The following RBFOX1 variants were observed in gnomAD, a reference collection of about 807,000 sequenced individuals.
RBFOX1 encodes RNA binding fox-1 homolog 1.
In RBFOX1, 8 loss-of-function variants were observed where a neutral mutation model predicts 57.7. The observed-to-expected ratio is 0.14, with a 90% CI of 0.08 to 0.25. The LOEUF (loss-of-function observed/expected upper bound fraction) is 0.25. RBFOX1 is among the 10% of genes least tolerant of loss of function. RBFOX1 has a pLI of 1.00. For missense variants in RBFOX1, 611 were observed against 548.5 expected, an observed-to-expected ratio of 1.11 and a Z score of -1.14; for synonymous variants, 326 against 222.4, an observed-to-expected ratio of 1.47 and a Z score of -4.15.
chr16:5,684,978 G>A (rs2050460049), intron 3 of RBFOX1, among the ~76,000 whole-genome samples: 1 of 152,208 alleles, frequency 6.6e-6, no homozygotes, highest in East Asian at 1.9e-4. Context: ...CACTAATGAA[G>A]TTGGGGCATC....
At chr16:6,533,161 A>G (rs2096683526) in intron 2 of RBFOX1, among the ~76,000 whole-genome samples, 1 of 152,240 alleles carries the variant, frequency 6.6e-6, no homozygotes, top group Non-Finnish European at 1.5e-5. Context: ...AGGAAAGACA[A>G]ACCATGGAAC....
At chr16:7,358,859 A>G (rs564542432) in intron 4 of RBFOX1, among the ~76,000 whole-genome samples, 1 of 152,360 alleles carries the variant, frequency 6.6e-6, no homozygotes, top group South Asian at 2.1e-4. Context: ...ATACGAGAGA[A>G]GTAACTTTCT....
chr16:6,218,423 C>T (rs1243446817), intron 1 of RBFOX1, among the ~76,000 whole-genome samples: 2 of 152,106 alleles, frequency 1.3e-5, no homozygotes, highest in Admixed American at 1.3e-4. Context: ...ATTCTTGTGC[C>T]TTAGCCTGCC....
chr16:6,500,884 T>TGG (rs2095892619), intron 2 of RBFOX1, among the ~76,000 whole-genome samples: 1 of 22,838 alleles, frequency 4.4e-5, no homozygotes, highest in Non-Finnish European at 1.9e-4. Context: ...TAGTTTTTTT[T>TGG]TTTTTTTTTT....
At chr16:7,687,218 C>T (rs569979612) in intron 14 of RBFOX1, among the ~76,000 whole-genome samples, 2 of 151,872 alleles carry the variant, frequency 1.3e-5, no homozygotes, top group African/African-American at 2.4e-5. Flanking sequence ...ATAAAAGTGA[C>T]AGGGCAGGTA....
Position 5,947,496 on chromosome 16 carries a change from A to G in RBFOX1, c.351+80161A>G, listed in dbSNP as rs1368532253. 1.3e-5 allele frequency among the ~76,000 whole-genome samples: 2 copies of G among 152,140 alleles called. No homozygotes were observed. The highest frequency in any genetic ancestry group is 2.1e-4 in the South Asian group (1 of 4,806). ...CATTTTCCTGCCTCTGCCAGTTTTT[A>G]AAATTTTTAGAGACAGGGGTCTCTG... On this transcript the variant is annotated intron_variant, in intron 4 of 19. Transcript: ENST00000641259. The surrounding 1 kb of genome is among the most constrained non-coding windows in gnomAD (Gnocchi z 7.2).
At chr16:7,637,218 G>C (rs548412302) in intron 11 of RBFOX1, among the ~76,000 whole-genome samples, 1 of 149,724 alleles carries the variant, frequency 6.7e-6, no homozygotes, top group Non-Finnish European at 1.5e-5. Flanking sequence ...AAAGTTAATA[G>C]AAGATTAATT....
chr16:6,967,888 G>C (rs1035742343), intron 3 of RBFOX1, among the ~76,000 whole-genome samples: 1 of 152,104 alleles, frequency 6.6e-6, no homozygotes, highest in Non-Finnish European at 1.5e-5. Context: ...GAAAAAAGAT[G>C]CCCCAAATCA....
intron 1 of RBFOX1, among the ~76,000 whole-genome samples, chr16:6,062,950 C>G (rs1037078030): frequency 6.6e-6 from 1 of 152,152 alleles, no homozygotes; most frequent in African/African-American, 2.4e-5. Flanking sequence ...GGCACAATTC[C>G]TTCTCCAGAA....
At position 7,353,227 on chromosome 16, in the gene RBFOX1, A is replaced by G. The variant is rs117124676; in HGVS notation, c.28-164920A>G. Among the ~76,000 whole-genome samples, 1,026 of 152,274 alleles carry G rather than the reference A, an allele frequency of 6.7e-3. 7 individuals are homozygous for G. Among genetic ancestry groups the G allele is most frequent in the South Asian group, 0.013 (61 of 4,820 alleles). On this transcript the variant is annotated intron_variant, in intron 4 of 15. Transcript: ENST00000550418. ...TCTCTAATTTAACTGGACATTCACCATCACTAGCCATAAATAAATGGTACC... is the reference window on the plus strand; with the variant it reads ...TCTCTAATTTAACTGGACATTCACCGTCACTAGCCATAAATAAATGGTACC...
intron 10 of RBFOX1, among the ~76,000 whole-genome samples, chr16:7,611,167 G>A (rs1288770941): frequency 6.6e-6 from 1 of 152,186 alleles, no homozygotes; most frequent in Non-Finnish European, 1.5e-5. Context: ...TTGTCTCTCA[G>A]AATGAGGCAT....
chr16:5,846,500 G>A (rs28505306), intron 3 of RBFOX1, among the ~76,000 whole-genome samples: 4,888 of 152,170 alleles, frequency 0.032, 277 homozygotes, highest in African/African-American at 0.11. Flanking sequence ...AACCCCCCAA[G>A]GAGGAAGATT....
intron 1 of RBFOX1, among the ~76,000 whole-genome samples, chr16:6,313,024 CA>C (rs767825937): frequency 3.9e-5 from 6 of 152,044 alleles, no homozygotes; most frequent in African/African-American, 7.2e-5. Flanking sequence ...GCCATGTGGT[CA>C]GGGGGTTCCA....
chr16:5,320,958 G>A (rs571329202), intron 1 of RBFOX1, among the ~76,000 whole-genome samples: 7 of 152,304 alleles, frequency 4.6e-5, no homozygotes, highest in African/African-American at 1.4e-4. Context: ...TCTGCCCACA[G>A]AACAGCTGTC....
chr16:7,531,363 A>C (rs11648970), intron 5 of RBFOX1, among the ~76,000 whole-genome samples: 1 of 152,164 alleles, frequency 6.6e-6, no homozygotes, highest in South Asian at 2.1e-4. Context: ...CTGGGTACCC[A>C]GTGGAAATGG....
At chr16:6,605,434 C>T (rs763828980) in intron 2 of RBFOX1, among the ~76,000 whole-genome samples, 37 of 152,086 alleles carry the variant, frequency 2.4e-4, no homozygotes, top group Non-Finnish European at 2.9e-4. Context: ...TGAACTGGAT[C>T]TTATATTGTG....
chr16:6,264,356 G>A (rs147207943), intron 1 of RBFOX1, among the ~76,000 whole-genome samples: 2 of 152,230 alleles, frequency 1.3e-5, no homozygotes, highest in African/African-American at 4.8e-5. Context: ...GGTATGCAGT[G>A]GGCTCCAGAG....
rs372121810 is a variant in RBFOX1, at chr16:5,514,271, C to T, written c.258+47017C>T. Among the ~76,000 whole-genome samples, 10 of 152,290 alleles carry T rather than the reference C, an allele frequency of 6.6e-5. No homozygotes were observed. In the East Asian group the frequency reaches 1.5e-3, roughly 24 times the overall value. ...ATGGGTTCAGCTAGAATGGCCAGGG[C>T]AGTGTGGCTCTGTCGCCATGTCTCT... is the stretch of plus-strand genomic sequence containing the variant. On this transcript the variant is annotated intron_variant, in intron 2 of 2. Coordinates refer to the RBFOX1 transcript ENST00000585867.
chr16:5,688,349 G>A (rs991072009), intron 3 of RBFOX1, among the ~76,000 whole-genome samples: 1 of 152,212 alleles, frequency 6.6e-6, no homozygotes, highest in Non-Finnish European at 1.5e-5. Flanking sequence ...ATATCAGTGA[G>A]AGCCATTTTG....
Sources: gnomAD v4.1 joint callset for allele counts (sites outside exome capture counted in the v4.1 genomes callset) on GRCh38, gnomAD v4.1.1 for gene constraint, Gnocchi (gnomAD v3.1) non-coding constraint, MANE v1.5 for transcripts, NCBI Gene and HGNC (gene_info 2026-07-23, HGNC 2026-07-21) for gene names.